GPM6A: variants seen among roughly 807,000 people sequenced by gnomAD.
GPM6A encodes neuronal membrane glycoprotein M6-a.
A neutral mutation model predicts 32.1 loss-of-function variants in GPM6A; 7 were observed. The ratio of observed to expected loss-of-function variants is 0.22; its 90% CI spans 0.12 to 0.41. GPM6A has a LOEUF of 0.41. Ranked by LOEUF, GPM6A falls within the 10% of genes least tolerant of loss-of-function variation. The pLI is 1.00. For missense variants in GPM6A, 235 were observed against 347.2 expected (o/e 0.68, Z 2.57); for synonymous variants, 130 against 123.4 (o/e 1.05, Z -0.35).
intron 1 of GPM6A, among the ~76,000 whole-genome samples, chr4:175,880,107 C>T (rs1439913489): frequency 6.6e-6 from 1 of 152,186 alleles, no homozygotes; most frequent in Non-Finnish European, 1.5e-5. Flanking sequence ...CTGCATATGG[C>T]TAGCCAGTTT....
chr4:175,969,137 T>A (rs1463377310), intron 1 of GPM6A, among the ~76,000 whole-genome samples: 1 of 152,150 alleles, frequency 6.6e-6, no homozygotes, highest in Non-Finnish European at 1.5e-5. Flanking sequence ...TACATATTAT[T>A]AGGTAAAAGA....
At chr4:175,858,462 G>A (rs1480119029) in intron 1 of GPM6A, among the ~76,000 whole-genome samples, 1 of 151,740 alleles carries the variant, frequency 6.6e-6, no homozygotes, top group Non-Finnish European at 1.5e-5. Context: ...AACCCAGGAG[G>A]AGGAGGTTGC....
intron 1 of GPM6A, among the ~76,000 whole-genome samples, chr4:175,868,451 T>G (rs182132558): frequency 4.6e-5 from 7 of 152,358 alleles, no homozygotes; most frequent in Non-Finnish European, 7.3e-5. Flanking sequence ...TCTCAATTTA[T>G]GCACTTAATG....
intron 1 of GPM6A, among the ~76,000 whole-genome samples, chr4:175,808,192 C>A (rs1166241481): frequency 1.3e-5 from 2 of 152,028 alleles, no homozygotes; most frequent in Admixed American, 6.6e-5. Context: ...CTTACACACA[C>A]AAAAAATGTC....
chr4:175,967,784 G>A (rs1368897213), intron 1 of GPM6A, among the ~76,000 whole-genome samples: 2 of 152,090 alleles, frequency 1.3e-5, no homozygotes, highest in Non-Finnish European at 2.9e-5. Context: ...TACATAAATG[G>A]AGGTACCCCA....
chr4:175,675,757 C>T (rs1397065788), intron 2 of GPM6A, among the ~76,000 whole-genome samples: 3 of 152,140 alleles, frequency 2.0e-5, no homozygotes, highest in African/African-American at 7.2e-5. Flanking sequence ...TCAAGTGATC[C>T]TCTCGCCTCA....
At chr4:175,974,020 G>T (rs1322706121) in intron 1 of GPM6A, among the ~76,000 whole-genome samples, 2 of 152,076 alleles carry the variant, frequency 1.3e-5, no homozygotes, top group Non-Finnish European at 2.9e-5. Flanking sequence ...ATCACCTGAG[G>T]TCAGCAGTTT....
intron 1 of GPM6A, among the ~76,000 whole-genome samples, chr4:175,703,313 T>C (rs990041263): frequency 2.0e-5 from 3 of 152,018 alleles, no homozygotes; most frequent in South Asian, 4.1e-4. Flanking sequence ...CTGGGACTAC[T>C]GGCGCACGTC....
chr4:175,794,789 A>G (rs564525843), intron 1 of GPM6A, among the ~76,000 whole-genome samples: 1 of 152,286 alleles, frequency 6.6e-6, no homozygotes, highest in African/African-American at 2.4e-5. Flanking sequence ...GACTATTTCA[A>G]TGCTGAATGA....
chr4:175,737,284 T>A (rs1731699090), intron 1 of GPM6A, among the ~76,000 whole-genome samples: 1 of 151,972 alleles, frequency 6.6e-6, no homozygotes, highest in Admixed American at 6.6e-5. Flanking sequence ...ATTCTGCAGG[T>A]CGTACAATCC....
intron 1 of GPM6A, among the ~76,000 whole-genome samples, chr4:175,982,335 AT>A (rs1416897642): frequency 1.3e-5 from 2 of 151,908 alleles, no homozygotes; most frequent in Non-Finnish European, 2.9e-5. Flanking sequence ...GGTCAAAAAG[AT>A]TTTTTCCTTT....
At chr4:175,804,787 T>C (rs1734618402) in intron 1 of GPM6A, among the ~76,000 whole-genome samples, 1 of 152,052 alleles carries the variant, frequency 6.6e-6, no homozygotes, top group African/African-American at 2.4e-5. Flanking sequence ...GGCTCACGCC[T>C]GTAATCCCAG....
intron 1 of GPM6A, among the ~76,000 whole-genome samples, chr4:175,821,192 A>G (rs1205228472): frequency 6.6e-6 from 1 of 152,196 alleles, no homozygotes; most frequent in Admixed American, 6.5e-5. Flanking sequence ...TTTAATTTAC[A>G]TGAGTATTAA....
intron 3 of GPM6A, among the ~76,000 whole-genome samples, chr4:175,665,275 C>CATGT (rs149793302): frequency 0.015 from 2,229 of 152,200 alleles, 57 homozygotes; most frequent in African/African-American, 0.051. Flanking sequence ...GTATAGCATG[C>CATGT]ATGTCTTCAT....
intron 1 of GPM6A, among the ~76,000 whole-genome samples, chr4:175,852,001 G>T (rs936940561): frequency 6.6e-6 from 1 of 152,122 alleles, no homozygotes; most frequent in African/African-American, 2.4e-5. Context: ...GATATTAAAA[G>T]ATCAGTCAGA....
intron 1 of GPM6A, among the ~76,000 whole-genome samples, chr4:175,868,329 C>G (rs1287591643): frequency 1.3e-5 from 2 of 152,110 alleles, no homozygotes; most frequent in Admixed American, 6.5e-5. Flanking sequence ...GGAACCCAGT[C>G]CTTTATTGTT....
intron 1 of GPM6A, among the ~76,000 whole-genome samples, chr4:175,930,604 T>C (rs1325830756): frequency 1.3e-5 from 2 of 152,106 alleles, no homozygotes; most frequent in Non-Finnish European, 2.9e-5. Flanking sequence ...GAGGTTCTTT[T>C]GAGCCTCAAA....
rs561651158 is a variant in GPM6A at position 175,649,390 on chromosome 4, T to A, written c.541+2444A>T. On this transcript the variant is annotated intron_variant, in intron 4 of 6. Coordinates refer to ENST00000393658, the MANE Select transcript of GPM6A (RefSeq NM_201591.3). ...TTTCTCTTTTTAAAGTTGAAAATATTAAGAAGGTCTATTTATCTTTTACAA... is the reference window on the plus strand; with the variant it reads ...TTTCTCTTTTTAAAGTTGAAAATATAAAGAAGGTCTATTTATCTTTTACAA... Among the ~76,000 whole-genome samples the A allele has an allele frequency of 7.0e-4, 107 of 152,326 alleles. 2 individuals are homozygous for A. The Middle Eastern group carries it at 0.017, about 24-fold the overall frequency.
At chr4:175,725,439 T>A (rs1008313949) in intron 1 of GPM6A, among the ~76,000 whole-genome samples, 1 of 151,792 alleles carries the variant, frequency 6.6e-6, no homozygotes, top group Non-Finnish European at 1.5e-5. Flanking sequence ...GTAGCAGGCA[T>A]GCACCACCAC....
Sources: allele counts gnomAD v4.1 joint callset (sites outside exome capture counted in the v4.1 genomes callset), GRCh38; gene constraint gnomAD v4.1.1; transcripts MANE v1.5; gene names NCBI Gene and HGNC (gene_info 2026-07-23, HGNC 2026-07-21).